Variants in RGS12 observed in about 807,000 individuals in gnomAD.
RGS12 encodes regulator of G-protein signaling 12.
RGS12 carries 66 observed loss-of-function variants against 120.1 expected under a neutral mutation model. The observed-to-expected ratio is 0.55, with a 90% CI of 0.45 to 0.67. RGS12 has a LOEUF of 0.67. Ranked by LOEUF, RGS12 falls within the 30% of genes least tolerant of loss-of-function variation. The pLI, the probability that RGS12 is intolerant of heterozygous loss-of-function variation, is 0.00. For synonymous variants in RGS12, 827 were observed against 804.7 expected (o/e 1.03, Z -0.47); for missense variants, 1,859 against 1,957.7 (o/e 0.95, Z 0.95).
intron 1 of RGS12, among the ~76,000 whole-genome samples, chr4:3,302,856 G>C (rs1385643647): frequency 6.6e-6 from 1 of 152,114 alleles, no homozygotes; most frequent in Non-Finnish European, 1.5e-5. Flanking sequence ...CGTTTCAAGA[G>C]AGAGTGATTT....
intron 1 of RGS12, among the ~76,000 whole-genome samples, chr4:3,308,936 C>A (rs1377528503): frequency 6.6e-6 from 1 of 152,388 alleles, no homozygotes. Context: ...CCTGAGCCTG[C>A]GTGGAGTCCC....
intron 17 of RGS12, among the ~76,000 whole-genome samples, chr4:3,437,819 G>C (rs1003676485): frequency 1.3e-5 from 2 of 152,200 alleles, no homozygotes; most frequent in African/African-American, 4.8e-5. Flanking sequence ...TGGGGCCACT[G>C]CTGGGACCTG....
chr4:3,436,062 C>T (rs1560184846), intron 17 of RGS12, among the ~76,000 whole-genome samples: 1 of 152,320 alleles, frequency 6.6e-6, no homozygotes, highest in South Asian at 2.1e-4. Flanking sequence ...GGAGCTCTAT[C>T]CCAGCCCCAG....
At position 3,340,767 on chromosome 4, in the gene RGS12, C is replaced by CAGGCCGGTGCA. The variant is rs1553802007; in HGVS notation, c.1882-2169_1882-2159dup. ...AGCAGCAGGCAGGTGCAGGCAGGTG[C>CAGGCCGGTGCA]AGGCCGGTGCAGGCCAGTGCAGTCC... On this transcript the variant is annotated intron_variant, in intron 2 of 17. Coordinates refer to ENST00000336727, the MANE Select transcript of RGS12 (RefSeq NM_001394154.1). Among the ~76,000 whole-genome samples the CAGGCCGGTGCA allele has an allele frequency of 2.1e-3, 321 of 152,202 alleles. 7 individuals are homozygous for CAGGCCGGTGCA. The highest frequency in any genetic ancestry group is 0.02 in the Admixed American group (313 of 15,290).
intron 3 of RGS12, chr4:3,370,265 A>C: frequency 6.2e-7 from 1 of 1,614,014 alleles, no homozygotes; most frequent in Non-Finnish European, 8.5e-7. Flanking sequence ...TCGGTGCCTT[A>C]CAATGAATTT....
rs532331930 is a variant in RGS12 at position 3,433,324 on chromosome 4, C to T, written c.4114+2369C>T. Among the ~76,000 whole-genome samples the T allele has an allele frequency of 1.1e-4, 16 of 152,324 alleles. No homozygotes were observed. The South Asian group carries it at 3.3e-3, about 32-fold the overall frequency. ...CCACGGGCTCCCGCCCTCCCCATTG[C>T]CATGGTGGGCAGCATGCCGGCTACG... On this transcript the variant is annotated intron_variant, in intron 17 of 17. Transcript: ENST00000336727. The surrounding 1 kb of genome is among the most constrained non-coding windows in gnomAD (Gnocchi z 4.4).
chr4:3,417,997 G>T (rs1722591543), intron 9 of RGS12: 1 of 160,250 alleles, frequency 6.2e-6, no homozygotes, highest in Non-Finnish European at 1.4e-5. Context: ...TAGATGTCAG[G>T]GTCCATGTGC....
chr4:3,373,156 CGAG>C, intron 3 of RGS12, among the ~76,000 whole-genome samples: 1 of 152,262 alleles, frequency 6.6e-6, no homozygotes, highest in South Asian at 2.1e-4. Flanking sequence ...AGTGTGGTCA[CGAG>C]GGGGCGGTGG....
rs538249311 is a variant in RGS12, at chr4:3,433,620, C to T, written c.4114+2665C>T. 3.9e-5 allele frequency among the ~76,000 whole-genome samples: 6 copies of T among 152,154 alleles called. No individual in the cohort carries two copies. In the South Asian group the frequency reaches 8.3e-4, roughly 21 times the overall value. On this transcript the variant is annotated intron_variant, in intron 17 of 17. Coordinates refer to ENST00000336727, the MANE Select transcript of RGS12 (RefSeq NM_001394154.1). This position sits in a 1 kb window ranked among gnomAD's most constrained non-coding sequence, Gnocchi z 4.4. ...GCCCCAGTGCCACATGCCACACCAC[C>T]CCATCCTAGCCCCAGCACCACGTGC...
rs537904969 is a variant in RGS12 at position 3,312,824 on chromosome 4, G to T, written c.-101-3246G>T. The stretch of plus-strand genomic sequence containing the variant: ...TTAAATTGCCAGAAGGAGGTGAAGG[G>T]CAACCACAGGTTCCAAGGAAGACAA... On this transcript the variant is annotated intron_variant, in intron 1 of 17. Transcript: ENST00000336727. 1.6e-4 allele frequency: 32 copies of T among 205,656 alleles called. No homozygotes were observed. The South Asian group carries it at 3.3e-3, about 21-fold the overall frequency. The allele number at this position is 205,656 out of a possible 1,614,324, so 12.7% of individuals were successfully genotyped here.
chr4:3,287,808 G>A, the RGS12 span, among the ~76,000 whole-genome samples: 3 of 152,196 alleles, frequency 2.0e-5, no homozygotes, highest in Non-Finnish European at 2.9e-5. Flanking sequence ...AGGTAGTCCC[G>A]GGACAGAGCA....
At chr4:3,384,269 C>G (rs1457173053) in intron 3 of RGS12, among the ~76,000 whole-genome samples, 1 of 152,160 alleles carries the variant, frequency 6.6e-6, no homozygotes. Context: ...ATTCTCCTGC[C>G]TCAGCCTCCC....
At chr4:3,401,909 C>T (rs1056560359) in intron 4 of RGS12, among the ~76,000 whole-genome samples, 8 of 152,240 alleles carry the variant, frequency 5.3e-5, no homozygotes, top group African/African-American at 1.9e-4. Context: ...TCTCTTGCTG[C>T]GTAAAAGTCC....
intron 6 of RGS12, among the ~76,000 whole-genome samples, chr4:3,415,218 C>T (rs373143933): frequency 1.4e-4 from 22 of 151,774 alleles, no homozygotes; most frequent in Non-Finnish European, 2.6e-4. Context: ...GTGAGAGGGC[C>T]GCGTGGCCTC....
intron 17 of RGS12, among the ~76,000 whole-genome samples, chr4:3,434,027 A>G (rs1724583395): frequency 6.6e-6 from 1 of 152,248 alleles, no homozygotes; most frequent in Non-Finnish European, 1.5e-5. Context: ...GCATGTGTCC[A>G]CACAGTGCTG....
At chr4:3,431,379 GC>G in intron 17 of RGS12, 1 of 1,032,168 alleles carries the variant, frequency 9.7e-7, no homozygotes, top group Non-Finnish European at 1.2e-6. Flanking sequence ...AGGAAGTGAA[GC>G]CCGCTGTGTT....
chr4:3,309,627 G>A (rs61790545), intron 1 of RGS12, among the ~76,000 whole-genome samples: 2 of 90,074 alleles, frequency 2.2e-5, no homozygotes, highest in Non-Finnish European at 2.2e-5. Context: ...GCAGGTGTCC[G>A]CTGAGGGGAA....
intron 10 of RGS12, among the ~76,000 whole-genome samples, chr4:3,421,827 A>C (rs1723050194): frequency 6.6e-6 from 1 of 152,244 alleles, no homozygotes; most frequent in African/African-American, 2.4e-5. Context: ...TGAGGGGCAC[A>C]GATACAGGGA....
chr4:3,416,861 C>T (rs1722457059), intron 7 of RGS12, 52 bp from the exon 8 acceptor site: 1 of 1,524,916 alleles, frequency 6.6e-7, no homozygotes, highest in Non-Finnish European at 8.9e-7. Flanking sequence ...GCGCCTGAGG[C>T]TGCATGTCTG....
Sources: allele counts gnomAD v4.1 joint callset (sites outside exome capture counted in the v4.1 genomes callset), GRCh38; gene constraint gnomAD v4.1.1; non-coding constraint Gnocchi (gnomAD v3.1); transcripts MANE v1.5; gene names NCBI Gene and HGNC (gene_info 2026-07-23, HGNC 2026-07-21).